MCTP1: variants seen among roughly 807,000 people sequenced by gnomAD.
The protein encoded by MCTP1 is multiple C2 and transmembrane domain containing 1.
Under a neutral mutation model 120.6 loss-of-function variants are expected in MCTP1, and 69 were observed. The observed-to-expected ratio is 0.57, with a 90% CI of 0.47 to 0.70. The LOEUF is 0.70. Among genes scored for constraint, MCTP1 ranks in the 30% least tolerant of loss-of-function variants. The pLI, the probability that MCTP1 is intolerant of heterozygous loss-of-function variation, is 0.00. For missense variants in MCTP1, 1,203 were observed against 1,248.8 expected, an observed-to-expected ratio of 0.96 and a Z score of 0.55; for synonymous variants, 529 against 493.1, an observed-to-expected ratio of 1.07 and a Z score of -0.96.
intron 1 of MCTP1, among the ~76,000 whole-genome samples, chr5:95,148,392 T>C (rs1760605197): frequency 6.6e-6 from 1 of 152,202 alleles, no homozygotes; most frequent in African/African-American, 2.4e-5. Context: ...GGAGGTTTTG[T>C]TCTTTAAACA....
intron 1 of MCTP1, among the ~76,000 whole-genome samples, chr5:95,075,181 T>A (rs1277781153): frequency 2.0e-5 from 3 of 152,248 alleles, no homozygotes; most frequent in Non-Finnish European, 4.4e-5. Context: ...CTCATTGAAC[T>A]GAACTTTTAA....
rs574184278 is a variant in MCTP1, at chr5:94,847,371, A to G, written c.2436+20962T>C. On this transcript the variant is annotated intron_variant, in intron 17 of 22. Coordinates refer to ENST00000515393, the MANE Select transcript of MCTP1 (RefSeq NM_024717.7). ...AAAAAGAGACAAAGTTGATCTTCCT[A>G]TGCAGTACCTGCTCTAAGTCTTTTT... 1.0e-3 allele frequency among the ~76,000 whole-genome samples: 153 copies of G among 152,264 alleles called. 2 individuals carry two copies. Among genetic ancestry groups the G allele is most frequent in the South Asian group, 6.4e-3 (31 of 4,816 alleles).
In MCTP1 at chr5:94,726,808, C is replaced by T. The variant is rs1309921924; in HGVS notation, c.2611-11922G>A. Among the ~76,000 whole-genome samples, 23 of 152,066 alleles carry T rather than the reference C, an allele frequency of 1.5e-4. 1 individual carries two copies. The highest frequency in any genetic ancestry group is 1.5e-3 in the Admixed American group (23 of 15,270). On this transcript the variant is annotated intron_variant, in intron 19 of 22. Transcript: ENST00000515393. ...ATGTCTCATGGTTGAAATTGGGCTC[C>T]TTTCAGGTCACTGTCAAAAAGTTGT...
chr5:94,933,837 A>G (rs767597936), intron 5 of MCTP1, among the ~76,000 whole-genome samples: 42 of 151,882 alleles, frequency 2.8e-4, no homozygotes, highest in Non-Finnish European at 5.5e-4. Context: ...AGTAAACAAA[A>G]CATAGGACCA....
intron 1 of MCTP1, among the ~76,000 whole-genome samples, chr5:95,129,915 C>A (rs963695903): frequency 2.6e-5 from 4 of 152,006 alleles, no homozygotes; most frequent in African/African-American, 9.7e-5. Flanking sequence ...CCTGCCTTGG[C>A]CTCCCAGAGT....
chr5:95,243,060 G>A (rs190398096), intron 1 of MCTP1, among the ~76,000 whole-genome samples: 1 of 152,262 alleles, frequency 6.6e-6, no homozygotes, highest in African/African-American at 2.4e-5. Context: ...GACATGACAT[G>A]AGGACCCTGA....
Position 94,870,965 on chromosome 5 carries a change from A to G in MCTP1, c.2148T>C (p.Asn716=), listed in dbSNP as rs930207325. 6.2e-7 allele frequency: 1 copy of G among 1,612,804 alleles called. No individual in the cohort carries two copies. Among genetic ancestry groups the G allele is most frequent in the Non-Finnish European group, 8.5e-7 (1 of 1,179,226 alleles). Reference sequence around the variant, plus strand: ...TCAAGACGTAGGCTTTCTGTTCACCATTTTGAATCTGCGGGAAAAGGACAT... The same window carrying G: ...TCAAGACGTAGGCTTTCTGTTCACCGTTTTGAATCTGCGGGAAAAGGACAT... ...KVAIPLLSIQ[N]GEQKAYVLKN... Residue 716 remains asparagine, a synonymous_variant, in exon 15 of 23, where the codon AAT becomes AAC. Transcript: ENST00000515393.
At chr5:94,852,234 G>T (rs760892227) in intron 17 of MCTP1, among the ~76,000 whole-genome samples, 1 of 151,834 alleles carries the variant, frequency 6.6e-6, no homozygotes, top group Non-Finnish European at 1.5e-5. Context: ...CTTTTCCAAT[G>T]GATTCATATT....
chr5:95,257,660 AATACTATTCTCAAGT>A (rs1404009097), intron 1 of MCTP1, among the ~76,000 whole-genome samples: 1 of 152,196 alleles, frequency 6.6e-6, no homozygotes, highest in Non-Finnish European at 1.5e-5. Context: ...CTTGTCATCT[AATACTATTCTCAAGT>A]AAAAGAAAAC....
intron 1 of MCTP1, among the ~76,000 whole-genome samples, chr5:95,097,143 G>C (rs1179235830): frequency 6.6e-6 from 1 of 151,930 alleles, no homozygotes; most frequent in African/African-American, 2.4e-5. Flanking sequence ...TACTGCCTAT[G>C]ATATCAATTC....
At chr5:95,039,772 C>G (rs527778580) in intron 1 of MCTP1, among the ~76,000 whole-genome samples, 1 of 140,152 alleles carries the variant, frequency 7.1e-6, no homozygotes, top group African/African-American at 2.7e-5. Context: ...AAATACAATG[C>G]AAAAAAATGC....
At chr5:95,101,224 T>A (rs1051343067) in intron 1 of MCTP1, among the ~76,000 whole-genome samples, 3 of 152,182 alleles carry the variant, frequency 2.0e-5, no homozygotes, top group Non-Finnish European at 2.9e-5. Flanking sequence ...ATCCACATTT[T>A]AAAAAATTAA....
chr5:94,729,183 A>G (rs987509701), intron 19 of MCTP1, among the ~76,000 whole-genome samples: 2 of 152,202 alleles, frequency 1.3e-5, no homozygotes, highest in Non-Finnish European at 2.9e-5. Context: ...AACAAAGGGA[A>G]TTGAACACAA....
intron 17 of MCTP1, among the ~76,000 whole-genome samples, chr5:94,847,702 A>ATATATATATATATATG (rs1561741531): frequency 2.0e-5 from 3 of 148,612 alleles, no homozygotes; most frequent in African/African-American, 7.5e-5. Flanking sequence ...ATATATATAT[A>ATATATATATATATATG]TATGTATGTT....
chr5:94,920,017 T>C (rs1394837063), intron 7 of MCTP1, among the ~76,000 whole-genome samples: 2 of 152,248 alleles, frequency 1.3e-5, no homozygotes, highest in African/African-American at 4.8e-5. Context: ...TTCTTTTGTA[T>C]TTCCATTGCT....
intron 1 of MCTP1, among the ~76,000 whole-genome samples, chr5:95,117,872 A>T (rs957957670): frequency 1.3e-5 from 2 of 152,206 alleles, no homozygotes; most frequent in Non-Finnish European, 1.5e-5. Flanking sequence ...AGGGACATGC[A>T]TGGAGCTGGA....
chr5:95,191,224 GA>G (rs1749794457), intron 1 of MCTP1, among the ~76,000 whole-genome samples: 1 of 151,946 alleles, frequency 6.6e-6, no homozygotes, highest in African/African-American at 2.4e-5. Context: ...GGGCTTACAT[GA>G]AAAATATCTG....
chr5:94,939,809 C>A (rs891373734), intron 5 of MCTP1, among the ~76,000 whole-genome samples: 1 of 151,844 alleles, frequency 6.6e-6, no homozygotes, highest in Non-Finnish European at 1.5e-5. Flanking sequence ...CTAATATTTG[C>A]CTATAATATA....
intron 1 of MCTP1, among the ~76,000 whole-genome samples, chr5:95,123,661 T>A (rs1047855843): frequency 7.2e-5 from 11 of 151,982 alleles, no homozygotes; most frequent in African/African-American, 2.7e-4. Flanking sequence ...CTTTTTTTTT[T>A]TTTTTTGAGA....
Sources: gnomAD v4.1 joint callset for allele counts (sites outside exome capture counted in the v4.1 genomes callset) on GRCh38, gnomAD v4.1.1 for gene constraint, MANE v1.5 for transcripts, NCBI Gene and HGNC (gene_info 2026-07-23, HGNC 2026-07-21) for gene names.